Variants in ACOT1 observed in about 807,000 individuals in gnomAD.
ACOT1 encodes the protein acyl-coenzyme A thioesterase 1.
A neutral mutation model predicts 15.7 loss-of-function variants in ACOT1; 8 were observed. The observed-to-expected ratio is 0.51, with a 90% CI of 0.30 to 0.92. The LOEUF is 0.92. Ranked by LOEUF, ACOT1 falls within the 40% of genes least tolerant of loss-of-function variation. The pLI is 0.06. For missense variants in ACOT1, 151 were observed against 539.4 expected (o/e 0.28, Z 7.13); for synonymous variants, 67 against 241.2 (o/e 0.28, Z 6.69).
chr14:73,532,450 A>G (rs192608858), upstream of ACOT1, among the ~76,000 whole-genome samples: 2 of 116,186 alleles, frequency 1.7e-5, 1 homozygote, highest in Non-Finnish European at 3.8e-5. Context: ...TTGTGAAACA[A>G]ACTAATTTAT....
chr14:73,537,887 C>T lies in ACOT1; in HGVS notation c.457+9C>T, dbSNP rs1888926248. On this transcript the variant is annotated intron_variant, in intron 1 of 2. Transcript: ENST00000311148. ...GCTCTTCCTGCCGCCAGGTGACTCA[C>T]CTCCGCTAATTGTTCCCCTCTGCCC... 1 of 1,189,172 alleles carries T rather than the reference C, an allele frequency of 8.4e-7. No individual in the cohort carries two copies. Among genetic ancestry groups the T allele is most frequent in the Non-Finnish European group, 1.1e-6 (1 of 914,968 alleles). The allele number at this position is 1,189,172 out of a possible 1,614,324, so 73.7% of individuals were successfully genotyped here. A position where few individuals can be genotyped will look rare whatever the true frequency, so the allele number is the denominator to read the frequency against.
the ACOT1 span, chr14:73,506,491 G>T: frequency 6.2e-7 from 1 of 1,613,722 alleles, no homozygotes; most frequent in Non-Finnish European, 8.5e-7. Context: ...CACTGATCCG[G>T]GAGAAAGCCT....
the ACOT1 span, among the ~76,000 whole-genome samples, chr14:73,525,105 C>G: frequency 6.6e-6 from 1 of 152,184 alleles, no homozygotes; most frequent in Non-Finnish European, 1.5e-5. Flanking sequence ...TCATAGCTCA[C>G]TGCAGCCTCA....
the ACOT1 span, among the ~76,000 whole-genome samples, chr14:73,513,722 C>G: frequency 1.1e-5 from 1 of 93,670 alleles, no homozygotes; most frequent in Admixed American, 1.7e-4. Flanking sequence ...AGCGAAACTA[C>G]GTCTCCAAAA....
At chr14:73,521,561 A>C in the ACOT1 span, among the ~76,000 whole-genome samples, 7 of 152,242 alleles carry the variant, frequency 4.6e-5, no homozygotes, top group African/African-American at 1.7e-4. Context: ...TTGTCCAATA[A>C]ATGAATAAAT....
upstream of ACOT1, chr14:73,537,068 C>G (rs150310924): frequency 9.6e-4 from 182 of 189,166 alleles, 65 homozygotes; most frequent in East Asian, 0.087. Context: ...ACTGCAAGCT[C>G]CACCCCCCGG....
chr14:73,498,662 A>G, the ACOT1 span, among the ~76,000 whole-genome samples: 25 of 152,340 alleles, frequency 1.6e-4, no homozygotes, highest in East Asian at 4.2e-3. Context: ...AAGAGAAGCA[A>G]TGCCAAAGAT....
At chr14:73,516,856 C>A in the ACOT1 span, among the ~76,000 whole-genome samples, 1 of 152,172 alleles carries the variant, frequency 6.6e-6, no homozygotes, top group Admixed American at 6.5e-5. Context: ...GCCTGATGAT[C>A]TGAGGTGGAA....
chr14:73,523,913 C>T, the ACOT1 span, among the ~76,000 whole-genome samples: 1 of 152,136 alleles, frequency 6.6e-6, no homozygotes, highest in Non-Finnish European at 1.5e-5. Context: ...AATTCCATTG[C>T]CCAGTGACCA....
upstream of ACOT1, among the ~76,000 whole-genome samples, chr14:73,534,415 G>C (rs528902045): frequency 9.2e-6 from 1 of 109,288 alleles, no homozygotes; most frequent in South Asian, 3.0e-4. Context: ...AAACATGGCC[G>C]AGTGTAGTGG....
chr14:73,510,195 G>A, the ACOT1 span, among the ~76,000 whole-genome samples: 2 of 151,616 alleles, frequency 1.3e-5, no homozygotes, highest in African/African-American at 4.9e-5. Flanking sequence ...TTATATTTAG[G>A]TAGTGCTTTA....
At chr14:73,502,624 T>C in the ACOT1 span, among the ~76,000 whole-genome samples, 1 of 152,126 alleles carries the variant, frequency 6.6e-6, no homozygotes, top group Non-Finnish European at 1.5e-5. Flanking sequence ...CTCTGCTCAC[T>C]GCAACCTCCG....
At chr14:73,524,310 A>AAAAAAAAAAAATATAT in the ACOT1 span, among the ~76,000 whole-genome samples, 2 of 54,780 alleles carry the variant, frequency 3.7e-5, no homozygotes, top group African/African-American at 1.8e-4. Context: ...AAAAAAAAAA[A>AAAAAAAAAAAATATAT]ATATATATAT....
At chr14:73,495,349 T>C in the ACOT1 span, 3 of 1,614,052 alleles carry the variant, frequency 1.9e-6, no homozygotes, top group Non-Finnish European at 1.7e-6. Flanking sequence ...GCTTGAGTAT[T>C]TTGTGTGTCA....
intron 1 of ACOT1, among the ~76,000 whole-genome samples, chr14:73,540,200 T>G (rs536499420): frequency 0.1 from 13,919 of 139,654 alleles, 21 homozygotes; most frequent in African/African-American, 0.29. Context: ...ACTTACAAAG[T>G]TAAATATGTT....
At chr14:73,492,150 G>C in the ACOT1 span, 10 of 1,613,990 alleles carry the variant, frequency 6.2e-6, no homozygotes, top group East Asian at 2.2e-4. The surrounding 1 kb of genome is among the most constrained non-coding windows in gnomAD (Gnocchi z 4.9). Context: ...CCCAACTTCA[G>C]TCAGGACGAC....
chr14:73,532,019 T>C, the ACOT1 span, among the ~76,000 whole-genome samples: 7 of 112,472 alleles, frequency 6.2e-5, 3 homozygotes, highest in Non-Finnish European at 1.4e-4. Flanking sequence ...GCAGCAAGAG[T>C]GAAGTGCAGT....
chr14:73,516,800 G>A, the ACOT1 span, among the ~76,000 whole-genome samples: 3 of 152,164 alleles, frequency 2.0e-5, no homozygotes, highest in Non-Finnish European at 4.4e-5. Flanking sequence ...ACTGTGAACT[G>A]CACATGTGAG....
intron 1 of ACOT1, 73 bp downstream of exon 1, chr14:73,537,951 G>C (rs113886692): frequency 9.7e-7 from 1 of 1,030,132 alleles, no homozygotes; most frequent in Non-Finnish European, 1.2e-6. Flanking sequence ...GTGTGTGTGT[G>C]TCCCCTTCGC....
Sources: allele counts gnomAD v4.1 joint callset (sites outside exome capture counted in the v4.1 genomes callset), GRCh38; gene constraint gnomAD v4.1.1; non-coding constraint Gnocchi (gnomAD v3.1); transcripts MANE v1.5; gene names NCBI Gene and HGNC (gene_info 2026-07-23, HGNC 2026-07-21).